Variants in MRPS5 observed in about 807,000 individuals in gnomAD.
MRPS5 encodes the protein small ribosomal subunit protein uS5m.
Under a neutral mutation model 51.9 loss-of-function variants are expected in MRPS5, and 27 were observed. The observed-to-expected ratio is 0.52, with a 90% CI of 0.38 to 0.72. The LOEUF (loss-of-function observed/expected upper bound fraction) is 0.72, where lower values mean the gene tolerates loss of function less well. Ranked by LOEUF, MRPS5 falls within the 30% of genes least tolerant of loss-of-function variation. MRPS5 has a pLI of 0.00. For missense variants in MRPS5, 570 were observed against 545.7 expected, an observed-to-expected ratio of 1.04 and a Z score of -0.44; for synonymous variants, 196 against 193.2, an observed-to-expected ratio of 1.01 and a Z score of -0.12.
chr2:95,095,887 A>C (rs990578584), intron 10 of MRPS5, among the ~76,000 whole-genome samples: 2 of 152,210 alleles, frequency 1.3e-5, no homozygotes, highest in Non-Finnish European at 2.9e-5. Flanking sequence ...GACACACAAA[A>C]AAAACCTTCA....
Position 95,087,362 on chromosome 2 carries a change from T to C in MRPS5, c.1288A>G (p.Thr430Ala). 1 of 1,613,842 alleles carries C rather than the reference T, an allele frequency of 6.2e-7. No homozygotes were observed. The highest frequency in any genetic ancestry group is 8.5e-7 in the Non-Finnish European group (1 of 1,179,744). Residue 430 changes from threonine to alanine, a missense_variant, in exon 12 of 12, where the codon ACG (threonine) becomes GCG (alanine). Thr to Ala is a moderately conservative substitution (Grantham distance 58). Coordinates refer to ENST00000272418, the MANE Select transcript of MRPS5 (RefSeq NM_031902.5). ...GCTGCACAAGGCCAGAGAGGTTACG[T>C]GGCGGCTCTCTTCAAATTAGACCAC... ...SVWSNLKRAA[T>A]
At chr2:95,109,105 G>A (rs1676041267) in intron 4 of MRPS5, among the ~76,000 whole-genome samples, 1 of 151,944 alleles carries the variant, frequency 6.6e-6, no homozygotes, top group Non-Finnish European at 1.5e-5. Context: ...GAAGGTAGAA[G>A]AAGCATCCAG....
chr2:95,118,047 A>T (rs544310368), intron 1 of MRPS5, 102 bp from the exon 2 acceptor site: 1 of 822,716 alleles, frequency 1.2e-6, no homozygotes, highest in Admixed American at 3.1e-5. Flanking sequence ...AAGAACCAAG[A>T]CGAGGGAGTA....
chr2:95,112,067 T>G (rs971110036), intron 3 of MRPS5, among the ~76,000 whole-genome samples: 4 of 151,290 alleles, frequency 2.6e-5, no homozygotes, highest in Non-Finnish European at 5.9e-5. Context: ...TAAGTTCATG[T>G]TTTGTTTTTT....
At chr2:95,106,364 G>A in intron 6 of MRPS5, 59 bp downstream of exon 6, 1 of 741,216 alleles carries the variant, frequency 1.3e-6, no homozygotes, top group East Asian at 2.8e-5. Context: ...CCCTGTCCCT[G>A]CCCCACCCAC....
chr2:95,100,717 T>C (rs1675769957), intron 9 of MRPS5, 120 bp downstream of exon 9: 1 of 911,762 alleles, frequency 1.1e-6, no homozygotes, highest in African/African-American at 1.7e-5. Context: ...TCACACTTCA[T>C]ATATTTGTAA....
In MRPS5 at chr2:95,087,464, C is replaced by G. The variant is rs1381025959; in HGVS notation, c.1186G>C (p.Glu396Gln). 5 of 1,614,196 alleles carry G rather than the reference C, an allele frequency of 3.1e-6. No homozygotes were observed. The highest frequency in any genetic ancestry group is 4.2e-6 in the Non-Finnish European group (5 of 1,180,042). ...ACGTCTGGAACCTCATCTTCTGGCT[C>G]TGGATCCTTCCTCAAGGGCCCCCGG... ...SPRGPLRKDPEPEDEVPDVKL... is the reference protein window; with the variant it reads ...SPRGPLRKDPQPEDEVPDVKL... Residue 396 changes from glutamate (E) to glutamine (Q), a missense_variant, in exon 12 of 12, where the codon GAG (glutamate) becomes CAG (glutamine). Coordinates refer to ENST00000272418, the MANE Select transcript of MRPS5 (RefSeq NM_031902.5).
chr2:95,089,464 G>C (rs1675393701), intron 11 of MRPS5, among the ~76,000 whole-genome samples: 1 of 152,204 alleles, frequency 6.6e-6, no homozygotes, highest in African/African-American at 2.4e-5. Flanking sequence ...CCTTTCAAGA[G>C]ACAGGCCAGC....
intron 7 of MRPS5, among the ~76,000 whole-genome samples, chr2:95,103,472 TAGAG>T: frequency 6.6e-6 from 1 of 152,192 alleles, no homozygotes; most frequent in East Asian, 1.9e-4. Flanking sequence ...TGAGATGGTG[TAGAG>T]AAACACAGAC....
intron 10 of MRPS5, among the ~76,000 whole-genome samples, chr2:95,095,674 C>T (rs1380798239): frequency 6.6e-6 from 1 of 152,130 alleles, no homozygotes; most frequent in Non-Finnish European, 1.5e-5. Flanking sequence ...AAAGACACAA[C>T]GTACCAGAAT....
chr2:95,093,331 T>C (rs1454710731), intron 10 of MRPS5: 1 of 152,342 alleles, frequency 6.6e-6, no homozygotes, highest in Non-Finnish European at 1.5e-5. Context: ...AACGTCCCTG[T>C]CTGACAGCTC....
At chr2:95,105,172 C>A (rs1036535770) in intron 6 of MRPS5, among the ~76,000 whole-genome samples, 18 of 152,286 alleles carry the variant, frequency 1.2e-4, no homozygotes, top group Admixed American at 5.9e-4. Flanking sequence ...ATAGACATAA[C>A]CAGCACAGGA....
Position 95,100,543 on chromosome 2 carries a change from G to C in MRPS5, c.869-7C>G, listed in dbSNP as rs771602214. 1 of 1,594,888 alleles carries C rather than the reference G, an allele frequency of 6.3e-7. No individual in the cohort carries two copies. The highest frequency in any genetic ancestry group is 2.2e-5 in the East Asian group (1 of 44,728). Reference sequence around the variant, plus strand: ...AATGAAATATCATGGAATACTGGAGGGTAAAAACATAAACACAAGAGGATT... The same window carrying C: ...AATGAAATATCATGGAATACTGGAGCGTAAAAACATAAACACAAGAGGATT... On this transcript the variant is annotated splice_region_variant and splice_polypyrimidine_tract_variant and intron_variant, in intron 9 of 11. Coordinates refer to ENST00000272418, the MANE Select transcript of MRPS5 (RefSeq NM_031902.5).
chr2:95,115,042 G>C (rs781206834), intron 3 of MRPS5, 24 bp downstream of exon 3: 3 of 1,483,092 alleles, frequency 2.0e-6, no homozygotes, highest in African/African-American at 2.9e-5. Context: ...CAAGAAACAG[G>C]AAGTTTGTGG....
chr2:95,108,505 C>A, intron 4 of MRPS5, 97 bp from the exon 5 acceptor site: 2 of 981,138 alleles, frequency 2.0e-6, no homozygotes, highest in African/African-American at 1.6e-5. Context: ...TGATGACACA[C>A]TGTTCACTGG....
intron 1 of MRPS5, among the ~76,000 whole-genome samples, chr2:95,118,285 C>A (rs1293376428): frequency 6.6e-6 from 1 of 152,186 alleles, no homozygotes; most frequent in African/African-American, 2.4e-5. Context: ...CAATTTCAAT[C>A]TCTCCCCCTC....
intron 7 of MRPS5, among the ~76,000 whole-genome samples, chr2:95,102,187 C>G (rs926041819): frequency 2.7e-5 from 4 of 150,762 alleles, no homozygotes; most frequent in African/African-American, 9.7e-5. Context: ...TAACAAAGCA[C>G]GAGGCTACAG....
At chr2:95,106,238 G>A (rs1256960795) in intron 6 of MRPS5, among the ~76,000 whole-genome samples, 185 bp downstream of exon 6, 1 of 152,170 alleles carries the variant, frequency 6.6e-6, no homozygotes, top group Admixed American at 6.5e-5. Flanking sequence ...GAGGGTAGTA[G>A]TCAGAAGAGC....
chr2:95,100,219 G>C (rs1355710580), intron 10 of MRPS5, among the ~76,000 whole-genome samples: 1 of 152,178 alleles, frequency 6.6e-6, no homozygotes, highest in African/African-American at 2.4e-5. Context: ...TCACTCAGGT[G>C]CTATTTCCCG....
Sources: gnomAD v4.1 joint callset for allele counts (sites outside exome capture counted in the v4.1 genomes callset) on GRCh38, gnomAD v4.1.1 for gene constraint, MANE v1.5 for transcripts, NCBI Gene and HGNC (gene_info 2026-07-23, HGNC 2026-07-21) for gene names.